The following C8orf34 variants were observed in gnomAD, a reference collection of about 807,000 sequenced individuals.
C8orf34 encodes uncharacterized protein C8orf34.
Under a neutral mutation model 68.3 loss-of-function variants are expected in C8orf34, and 65 were observed. The ratio of observed to expected loss-of-function variants is 0.95; its 90% confidence interval spans 0.78 to 1.17. C8orf34 has a LOEUF of 1.17. Among genes scored for constraint, C8orf34 ranks in the 50% most tolerant of loss-of-function variants. The pLI is 0.00. For missense variants in C8orf34, 664 were observed against 655.4 expected (o/e 1.01, Z -0.14); for synonymous variants, 244 against 241.2 (o/e 1.01, Z -0.11).
chr8:68,361,221 GT>G (rs1349068494), intron 1 of C8orf34, among the ~76,000 whole-genome samples: 4 of 152,206 alleles, frequency 2.6e-5, no homozygotes, highest in Non-Finnish European at 1.5e-5. Flanking sequence ...GGCAGTTGCA[GT>G]TGTGTCCACA....
intron 3 of C8orf34, among the ~76,000 whole-genome samples, chr8:68,458,103 G>T (rs1484749296): frequency 6.6e-6 from 1 of 152,090 alleles, no homozygotes; most frequent in African/African-American, 2.4e-5. Context: ...CCCATGATAA[G>T]TTAGGCAAGA....
intron 7 of C8orf34, among the ~76,000 whole-genome samples, chr8:68,589,588 T>G (rs1349032031): frequency 3.8e-4 from 49 of 130,598 alleles, no homozygotes; most frequent in Admixed American, 6.0e-4. Flanking sequence ...GAAGGAAGGA[T>G]GAAGGAAGGA....
intron 7 of C8orf34, among the ~76,000 whole-genome samples, chr8:68,594,049 T>G (rs977669169): frequency 3.3e-5 from 5 of 152,100 alleles, no homozygotes; most frequent in Admixed American, 2.0e-4. Flanking sequence ...TAAAAATAAT[T>G]TTTTAGTTAT....
intron 7 of C8orf34, among the ~76,000 whole-genome samples, chr8:68,592,527 G>C (rs796855513): frequency 6.8e-6 from 1 of 147,302 alleles, no homozygotes; most frequent in Non-Finnish European, 1.5e-5. Context: ...TTCTAATTTT[G>C]TGTTACTTCT....
At chr8:68,716,690 G>A (rs1821482369) in intron 9 of C8orf34, among the ~76,000 whole-genome samples, 1 of 151,802 alleles carries the variant, frequency 6.6e-6, no homozygotes, top group African/African-American at 2.4e-5. Context: ...GTATAAGGCA[G>A]GTATATGAGT....
At chr8:68,815,098 T>C (rs1406938918) in intron 12 of C8orf34, among the ~76,000 whole-genome samples, 1 of 152,170 alleles carries the variant, frequency 6.6e-6, no homozygotes, top group African/African-American at 2.4e-5. Flanking sequence ...TTGGACTTAA[T>C]CTATTTCCAT....
At chr8:68,466,820 G>A (rs2129629745) in intron 3 of C8orf34, among the ~76,000 whole-genome samples, 1 of 148,218 alleles carries the variant, frequency 6.7e-6, no homozygotes, top group East Asian at 2.0e-4. Context: ...CTAGGTCACA[G>A]GGTCGGTGCA....
intron 8 of C8orf34, among the ~76,000 whole-genome samples, chr8:68,688,245 C>T (rs1326039952): frequency 6.6e-6 from 1 of 151,978 alleles, no homozygotes; most frequent in African/African-American, 2.4e-5. Flanking sequence ...CCCAGCAATC[C>T]CACTACTGGG....
intron 1 of C8orf34, among the ~76,000 whole-genome samples, chr8:68,430,780 G>A (rs1004281017): frequency 4.6e-5 from 7 of 152,004 alleles, no homozygotes; most frequent in African/African-American, 1.7e-4. Context: ...TATTCTCTTG[G>A]GGGATGACTT....
At chr8:68,390,148 G>A (rs1489424083) in intron 1 of C8orf34, among the ~76,000 whole-genome samples, 1 of 152,058 alleles carries the variant, frequency 6.6e-6, no homozygotes, top group African/African-American at 2.4e-5. Flanking sequence ...GAAAGAAGGA[G>A]AAAGAAGCAG....
At chr8:68,595,812 A>G (rs1817532980) in intron 7 of C8orf34, among the ~76,000 whole-genome samples, 1 of 152,120 alleles carries the variant, frequency 6.6e-6, no homozygotes, top group Non-Finnish European at 1.5e-5. Context: ...TCAGGCAGAA[A>G]TGCTTAAAAT....
chr8:68,720,838 A>C (rs568662124), intron 9 of C8orf34, among the ~76,000 whole-genome samples: 3 of 151,878 alleles, frequency 2.0e-5, no homozygotes, highest in African/African-American at 7.2e-5. Flanking sequence ...TATTCAATTC[A>C]GGCTAATTGC....
At chr8:68,396,835 G>GATGCTAACAC (rs1310748976) in intron 1 of C8orf34, among the ~76,000 whole-genome samples, 44 of 150,692 alleles carry the variant, frequency 2.9e-4, no homozygotes, top group Non-Finnish European at 3.8e-4. Flanking sequence ...AGGGGAAGCA[G>GATGCTAACAC]CTTGAGGCCT....
At chr8:68,727,357 G>T (rs1209535624) in intron 10 of C8orf34, among the ~76,000 whole-genome samples, 8 of 152,144 alleles carry the variant, frequency 5.3e-5, no homozygotes, top group Admixed American at 2.0e-4. Flanking sequence ...CTATGGCTTT[G>T]CAGGGCACAC....
intron 1 of C8orf34, among the ~76,000 whole-genome samples, chr8:68,366,762 G>T (rs945497719): frequency 3.5e-5 from 5 of 144,648 alleles, no homozygotes; most frequent in African/African-American, 1.0e-4. Flanking sequence ...ATGGATTAAA[G>T]ATTTAAACGT....
In C8orf34 at chr8:68,463,705, A is replaced by G. The variant is rs1811962966; in HGVS notation, c.608-4987A>G. ...AAGACAAAAACCACATGATTATCTC[A>G]ATAGATGCAGAAAAGGCCTTTGAAA... On this transcript the variant is annotated intron_variant, in intron 3 of 13. Transcript: ENST00000518698. 2.0e-5 allele frequency among the ~76,000 whole-genome samples: 3 copies of G among 152,210 alleles called. No homozygotes were observed. The South Asian group carries it at 6.2e-4, about 32-fold the overall frequency.
intron 5 of C8orf34, among the ~76,000 whole-genome samples, chr8:68,501,242 TG>T (rs1813758521): frequency 1.3e-5 from 2 of 152,166 alleles, no homozygotes; most frequent in Admixed American, 1.3e-4. Flanking sequence ...GATATGACCT[TG>T]GATGTGGACA....
intron 8 of C8orf34, among the ~76,000 whole-genome samples, chr8:68,688,349 A>G (rs79633887): frequency 0.074 from 11,202 of 152,130 alleles, 607 homozygotes; most frequent in African/African-American, 0.15. Context: ...ATATGGAACC[A>G]ACCTAAAAGC....
intron 12 of C8orf34, among the ~76,000 whole-genome samples, chr8:68,793,423 A>G (rs1055881313): frequency 2.0e-5 from 3 of 152,244 alleles, no homozygotes; most frequent in Non-Finnish European, 2.9e-5. Context: ...GTATTAAAAA[A>G]GCAAATATTA....
Sources: allele counts gnomAD v4.1 joint callset (sites outside exome capture counted in the v4.1 genomes callset), GRCh38; gene constraint gnomAD v4.1.1; transcripts MANE v1.5; gene names NCBI Gene and HGNC (gene_info 2026-07-23, HGNC 2026-07-21).